CDH23: variants seen among roughly 807,000 people sequenced by gnomAD.
CDH23 encodes the protein cadherin related 23.
In CDH23, 189 loss-of-function variants were observed where a neutral mutation model predicts 317.1. The observed-to-expected ratio is 0.60, with a 90% confidence interval of 0.53 to 0.67. CDH23 has a LOEUF of 0.67. Ranked by LOEUF, CDH23 falls within the 30% of genes least tolerant of loss-of-function variation. The probability of loss-of-function intolerance (pLI) is 0.00; values close to 1 mark genes in which losing one functional copy is unlikely to be tolerated. For synonymous variants in CDH23, 1,839 were observed against 1,876.8 expected, an observed-to-expected ratio of 0.98 and a Z score of 0.52; for missense variants, 4,401 against 4,592.4, an observed-to-expected ratio of 0.96 and a Z score of 1.20.
chr10:71,595,434 G>A (rs137998802), intron 9 of CDH23, among the ~76,000 whole-genome samples: 29 of 152,104 alleles, frequency 1.9e-4, no homozygotes, highest in Admixed American at 1.8e-3. Flanking sequence ...CAGGTTTGTC[G>A]CCCCCATTCT....
rs1319913550 is a variant in CDH23, at chr10:71,815,265, T to C, written c.10052T>C (p.Ile3351Thr). ...GTGATCATGGAGACCCCCCTGGAGA[T>C]CACAGAGCTGTGACTAGACAGGGAA... The part of the protein sequence containing the change: ...RDVIMETPLE[I>T]TEL Residue 3351 changes from isoleucine (I) to threonine (T), a missense_variant, in exon 70 of 70, where the codon ATC becomes ACC. Around this residue, in one of 3 missense-constraint regions of CDH23, gnomAD observed 1,144 missense variants for 1,138.2 expected, o/e 1.01. Transcript: ENST00000224721. 1 of 1,571,106 alleles carries C rather than the reference T, an allele frequency of 6.4e-7. No homozygotes were observed. Among genetic ancestry groups the C allele is most frequent in the Admixed American group, 1.7e-5 (1 of 57,916 alleles).
chr10:71,708,048 C>T (rs933658870), intron 26 of CDH23, among the ~76,000 whole-genome samples: 2 of 152,206 alleles, frequency 1.3e-5, no homozygotes, highest in African/African-American at 4.8e-5. Context: ...GGCTTAGTTA[C>T]TAAGACCCCT....
Position 71,810,056 on chromosome 10 carries a change from G to A in CDH23, c.8959G>A (p.Val2987Ile), listed in dbSNP as rs1275327941. ...HLLSNITGAI[V>I]NTDNVQFHVD... is the part of the protein sequence containing the mutation. ...GCTCTCCAACATCACTGGGGCCATTGTCAATACTGACAATGTGCAGGTGCC... is the reference window on the plus strand; with the variant it reads ...GCTCTCCAACATCACTGGGGCCATTATCAATACTGACAATGTGCAGGTGCC... Residue 2987 changes from valine to isoleucine, a missense_variant, in exon 61 of 70, where the codon GTC (valine) becomes ATC (isoleucine). Transcript: ENST00000224721. The A allele has an allele frequency of 6.2e-7, 1 of 1,612,504 alleles. No homozygotes were observed. Among genetic ancestry groups the A allele is most frequent in the South Asian group, 1.1e-5 (1 of 91,090 alleles).
At chr10:71,596,558 C>T (rs1018584788) in intron 9 of CDH23, among the ~76,000 whole-genome samples, 4 of 152,142 alleles carry the variant, frequency 2.6e-5, no homozygotes, top group Non-Finnish European at 5.9e-5. Context: ...TACTGGCTGG[C>T]CCCTGATCCA....
chr10:71,515,467 A>T (rs1201256086), intron 6 of CDH23, among the ~76,000 whole-genome samples: 3 of 148,638 alleles, frequency 2.0e-5, no homozygotes, highest in African/African-American at 7.5e-5. Flanking sequence ...AGTTCAGCCT[A>T]ACTCAACTCT....
intron 31 of CDH23, among the ~76,000 whole-genome samples, chr10:71,730,902 A>G (rs1306751907): frequency 6.6e-6 from 1 of 152,184 alleles, no homozygotes; most frequent in Non-Finnish European, 1.5e-5. Context: ...GCCTTTAGAG[A>G]GGGGCTGGGC....
intron 22 of CDH23, among the ~76,000 whole-genome samples, chr10:71,695,774 C>T (rs1865364067): frequency 6.6e-6 from 1 of 152,210 alleles, no homozygotes; most frequent in Admixed American, 6.5e-5. Flanking sequence ...TTCAGGCAGC[C>T]CAGGGACAGT....
intron 11 of CDH23, among the ~76,000 whole-genome samples, chr10:71,635,802 G>C (rs10999924): frequency 0.019 from 2,826 of 152,232 alleles, 187 homozygotes; most frequent in East Asian, 0.16. Flanking sequence ...TACCATTGAC[G>C]GTTGGCTTGT....
At chr10:71,722,463 C>T (rs1336746802) in intron 28 of CDH23, among the ~76,000 whole-genome samples, 2 of 152,200 alleles carry the variant, frequency 1.3e-5, no homozygotes, top group African/African-American at 4.8e-5. Flanking sequence ...TACTGAGTGT[C>T]AGCCTAGTTC....
chr10:71,737,935 C>G, intron 34 of CDH23: 1 of 405,722 alleles, frequency 2.5e-6, no homozygotes, highest in East Asian at 7.2e-5. Context: ...CCCACTGGAA[C>G]CAAGCCACCT....
At chr10:71,653,702 A>G (rs933044721) in intron 14 of CDH23, among the ~76,000 whole-genome samples, 2 of 152,098 alleles carry the variant, frequency 1.3e-5, no homozygotes, top group African/African-American at 4.8e-5. Context: ...GGAACCAGAA[A>G]CCCAGCTTCA....
At chr10:71,638,949 T>G (rs1273967545) in intron 11 of CDH23, among the ~76,000 whole-genome samples, 2 of 152,044 alleles carry the variant, frequency 1.3e-5, no homozygotes, top group Non-Finnish European at 2.9e-5. Context: ...GATAAGGCGC[T>G]GCCCTCGTGG....
Position 71,807,851 on chromosome 10 carries a change from GCCA to G in CDH23, c.8569_8571del (p.Thr2857del), listed in dbSNP as rs1841783949. 2 of 1,600,094 alleles carry G rather than the reference GCCA, an allele frequency of 1.2e-6. No homozygotes were observed. Among genetic ancestry groups the G allele is most frequent in the Admixed American group, 3.5e-5 (2 of 57,828 alleles). On this transcript the variant is annotated inframe_deletion, in exon 60 of 70. Transcript: ENST00000224721. ...CCACCTGCCTCTTCCTGCAGGGGTG[GCCA>G]CCGACGCCAAGGTGGGCTCAGAGTT...
Position 71,779,403 on chromosome 10 carries a change from C to A in CDH23, c.5324C>A (p.Pro1775His), listed in dbSNP as rs1471980889. Residue 1775 changes from proline to histidine, a missense_variant, in exon 41 of 70, where the codon CCC (proline) becomes CAC (histidine). Physicochemically the swap from Pro to His is moderately conservative, Grantham distance 77. Transcript: ENST00000224721. ...TFLAHDRDSG[P>H]NGQVEYSIMD... ...CTGGCCCATGACCGAGACTCAGGACCCAACGGGCAGGTGGAGTACAGCATC... is the reference window on the plus strand; with the variant it reads ...CTGGCCCATGACCGAGACTCAGGACACAACGGGCAGGTGGAGTACAGCATC... 1 of 1,613,312 alleles carries A rather than the reference C, an allele frequency of 6.2e-7. No individual in the cohort carries two copies. The highest frequency in any genetic ancestry group is 1.1e-5 in the South Asian group (1 of 91,046).
chr10:71,760,088 C>CAT (rs1469023881), intron 38 of CDH23, among the ~76,000 whole-genome samples: 1 of 125,750 alleles, frequency 8.0e-6, no homozygotes, highest in African/African-American at 2.8e-5. Flanking sequence ...TATACACACA[C>CAT]ATATACACAC....
At chr10:71,477,863 G>A (rs59116783) in intron 3 of CDH23, among the ~76,000 whole-genome samples, 4,685 of 152,048 alleles carry the variant, frequency 0.031, 195 homozygotes, top group East Asian at 0.16. Context: ...TTATTATCCC[G>A]GCTTAGGCAG....
intron 14 of CDH23, among the ~76,000 whole-genome samples, chr10:71,647,462 CAA>C (rs56367143): frequency 5.6e-4 from 83 of 147,912 alleles, no homozygotes; most frequent in Middle Eastern, 3.5e-3. Context: ...GATTCTGTCT[CAA>C]AAAAAAAAAA....
chr10:71,439,035 G>A (rs1014994776), intron 1 of CDH23, among the ~76,000 whole-genome samples: 8 of 152,148 alleles, frequency 5.3e-5, no homozygotes, highest in Non-Finnish European at 8.8e-5. Context: ...ACCAGAGTGG[G>A]GACTGTTGCC....
intron 9 of CDH23, among the ~76,000 whole-genome samples, chr10:71,595,022 T>A (rs1009794799): frequency 5.3e-5 from 8 of 152,232 alleles, no homozygotes; most frequent in African/African-American, 1.9e-4. Context: ...TGGGATCACA[T>A]AGGTCCAAGT....
Sources: allele counts gnomAD v4.1 joint callset (sites outside exome capture counted in the v4.1 genomes callset), GRCh38; gene constraint gnomAD v4.1.1; regional missense constraint gnomAD v4.1.1; transcripts MANE v1.5; gene names NCBI Gene and HGNC (gene_info 2026-07-23, HGNC 2026-07-21).